Variants in PLG observed in about 807,000 individuals in gnomAD.
PLG encodes plasmin.
PLG carries 41 observed loss-of-function variants against 104.4 expected under a neutral mutation model. The observed-to-expected ratio is 0.39, with a 90% confidence interval of 0.31 to 0.51. The LOEUF is 0.51. PLG is among the 20% of genes least tolerant of loss of function. The probability of loss-of-function intolerance (pLI) is 0.76; values close to 1 mark genes in which losing one functional copy is unlikely to be tolerated. For missense variants in PLG, 891 were observed against 1,003.6 expected (o/e 0.89, Z 1.52); for synonymous variants, 337 against 357.1 (o/e 0.94, Z 0.63).
chr6:160,703,126 A>G (rs1777451264), intron 1 of PLG, among the ~76,000 whole-genome samples: 1 of 152,168 alleles, frequency 6.6e-6, no homozygotes, highest in Non-Finnish European at 1.5e-5. Context: ...TTGCTCAGTG[A>G]CCAAATTCTC....
rs770399600 is a variant in PLG, at chr6:160,731,014, C to T, written c.1257-37C>T. ...GTGCTGGGTGCCCCTGAATATTCTC[C>T]CACCTCTTGTGACCTGTATTGTTTT... On this transcript the variant is annotated intron_variant, in intron 10 of 18. Coordinates refer to ENST00000308192, the MANE Select transcript of PLG (RefSeq NM_000301.5). This position sits in a 1 kb window ranked among gnomAD's most constrained non-coding sequence, Gnocchi z 5.1. 2.5e-6 allele frequency: 4 copies of T among 1,604,122 alleles called. No individual in the cohort carries two copies. The highest frequency in any genetic ancestry group is 3.3e-5 in the Admixed American group (2 of 59,984).
Position 160,732,986 on chromosome 6 carries a change from G to A in PLG, c.1588-1009G>A, listed in dbSNP as rs375266835. On this transcript the variant is annotated intron_variant, in intron 12 of 18. Coordinates refer to ENST00000308192, the MANE Select transcript of PLG (RefSeq NM_000301.5). This position sits in a 1 kb window ranked among gnomAD's most constrained non-coding sequence, Gnocchi z 4.5. ...CCCTCCCTGGAAGTTGGACGTGGGG[G>A]GCTGAACAGTTCCAACCCTGCAATC... is the stretch of plus-strand genomic sequence containing the variant. Among the ~76,000 whole-genome samples, 1 of 152,124 alleles carries A rather than the reference G, an allele frequency of 6.6e-6. No individual in the cohort carries two copies. Among genetic ancestry groups the A allele is most frequent in the African/African-American group, 2.4e-5 (1 of 41,422 alleles).
chr6:160,716,095 C>T (rs1053438228), intron 6 of PLG, among the ~76,000 whole-genome samples: 14 of 152,224 alleles, frequency 9.2e-5, no homozygotes, highest in African/African-American at 3.4e-4. Flanking sequence ...ACCAGAAGGA[C>T]CATTCCTTTA....
intron 2 of PLG, among the ~76,000 whole-genome samples, 153 bp from the exon 3 acceptor site, chr6:160,707,547 T>A (rs1293209091): frequency 3.3e-5 from 5 of 152,236 alleles, no homozygotes; most frequent in Non-Finnish European, 7.3e-5. Flanking sequence ...ACTTCATCGA[T>A]GCCATGCCCA....
At chr6:160,705,966 AAT>A in intron 1 of PLG, 1 of 200,552 alleles carries the variant, frequency 5.0e-6, no homozygotes, top group Non-Finnish European at 1.0e-5. Context: ...CAATCCAGTT[AAT>A]CTTTTACTAT....
intron 9 of PLG, among the ~76,000 whole-genome samples, chr6:160,721,039 A>T (rs995257784): frequency 2.6e-5 from 4 of 151,930 alleles, no homozygotes; most frequent in Non-Finnish European, 5.9e-5. Context: ...TGATATTATG[A>T]CTTTTTTTCT....
chr6:160,722,650 A>C (rs1777855549), intron 10 of PLG, 83 bp downstream of exon 10: 1 of 1,298,602 alleles, frequency 7.7e-7, no homozygotes, highest in African/African-American at 1.5e-5. Flanking sequence ...GCTTCAAGCC[A>C]ACTTCCTAGG....
chr6:160,752,828 A>G lies in PLG; in HGVS notation c.2272-72A>G. 1 of 1,506,480 alleles carries G rather than the reference A, an allele frequency of 6.6e-7. No homozygotes were observed. Among genetic ancestry groups the G allele is most frequent in the Non-Finnish European group, 9.2e-7 (1 of 1,082,318 alleles). 93.3% of individuals were successfully genotyped at this position (1,506,480 alleles called of 1,614,324 possible). ...CTGGGAAAATGTATATATGGATAGT[A>G]GAAGGATGGCATCCCATAATAAAAG... On this transcript the variant is annotated intron_variant, in intron 18 of 18. Coordinates refer to ENST00000308192, the MANE Select transcript of PLG (RefSeq NM_000301.5). The surrounding 1 kb of genome is among the most constrained non-coding windows in gnomAD (Gnocchi z 4.7).
At chr6:160,706,568 G>A (rs201728206) in intron 2 of PLG, 26 bp downstream of exon 2, 89 of 1,605,964 alleles carry the variant, frequency 5.5e-5, no homozygotes, top group Middle Eastern at 1.7e-4. Context: ...TTGCACCTAC[G>A]CAGGAATCTG....
At chr6:160,711,678 T>C in intron 4 of PLG, 1 of 1,610,856 alleles carries the variant, frequency 6.2e-7, no homozygotes, top group Admixed American at 1.7e-5. Context: ...GGAGGTTTCT[T>C]GAAGACCTAG....
Position 160,741,741 on chromosome 6 carries a change from A to G in PLG, c.2125+324A>G, listed in dbSNP as rs747511242. Reference sequence around the variant, plus strand: ...ATATGTAAACAGTGGTTTGTCATGCAGATTATTTTGTCACCTAGGTACTAA... The same window carrying G: ...ATATGTAAACAGTGGTTTGTCATGCGGATTATTTTGTCACCTAGGTACTAA... On this transcript the variant is annotated intron_variant, in intron 17 of 18. Coordinates refer to ENST00000308192, the MANE Select transcript of PLG (RefSeq NM_000301.5). The surrounding 1 kb of genome is among the most constrained non-coding windows in gnomAD (Gnocchi z 4.7). Among the ~76,000 whole-genome samples the G allele has an allele frequency of 6.6e-6, 1 of 152,142 alleles. No individual in the cohort carries two copies. Among genetic ancestry groups the G allele is most frequent in the African/African-American group, 2.4e-5 (1 of 41,418 alleles).
rs769914417 is a variant in PLG at position 160,732,936 on chromosome 6, G to C, written c.1587+1043G>C. On this transcript the variant is annotated intron_variant, in intron 12 of 18. Coordinates refer to ENST00000308192, the MANE Select transcript of PLG (RefSeq NM_000301.5). This position sits in a 1 kb window ranked among gnomAD's most constrained non-coding sequence, Gnocchi z 4.5. ...GTTGAATACATCGTTGGCCATTGGAGACCAGCTCACCTTCAGCTCCTGTTC... is the reference window on the plus strand; with the variant it reads ...GTTGAATACATCGTTGGCCATTGGACACCAGCTCACCTTCAGCTCCTGTTC... 2.0e-5 allele frequency among the ~76,000 whole-genome samples: 3 copies of C among 152,072 alleles called. No homozygotes were observed. Among genetic ancestry groups the C allele is most frequent in the Non-Finnish European group, 2.9e-5 (2 of 68,004 alleles).
chr6:160,702,574 T>A (rs749140120), intron 1 of PLG, among the ~76,000 whole-genome samples: 14 of 152,168 alleles, frequency 9.2e-5, no homozygotes, highest in Non-Finnish European at 1.8e-4. Context: ...AAATAATGGG[T>A]GATTTTTCAA....
At chr6:160,748,267 T>G (rs952906771) in intron 17 of PLG, among the ~76,000 whole-genome samples, 1 of 147,596 alleles carries the variant, frequency 6.8e-6, no homozygotes, top group South Asian at 2.2e-4. Context: ...ATTGTGCCAC[T>G]GCACTCCAGC....
chr6:160,717,102 T>A (rs1053761519), intron 7 of PLG, among the ~76,000 whole-genome samples: 18 of 152,280 alleles, frequency 1.2e-4, no homozygotes, highest in African/African-American at 4.3e-4. Flanking sequence ...TGGATTTCAT[T>A]TTCAACCAGA....
At position 160,752,894 on chromosome 6, in the gene PLG, G is replaced by A. The variant is rs1302998668; in HGVS notation, c.2272-6G>A. ...CTCACATGCATTTTTCTCTCCCTCT[G>A]TATAGGGTGACAGTGGAGGTCCTCT... is the stretch of plus-strand genomic sequence containing the variant. On this transcript the variant is annotated splice_region_variant and splice_polypyrimidine_tract_variant and intron_variant, in intron 18 of 18. Transcript: ENST00000308192. The surrounding 1 kb of genome is among the most constrained non-coding windows in gnomAD (Gnocchi z 4.7). 10 of 1,613,592 alleles carry A rather than the reference G, an allele frequency of 6.2e-6. No homozygotes were observed. The highest frequency in any genetic ancestry group is 2.2e-5 in the East Asian group (1 of 44,882).
At chr6:160,711,407 G>A (rs963993493) in intron 4 of PLG, 6 of 722,486 alleles carry the variant, frequency 8.3e-6, no homozygotes, top group Non-Finnish European at 1.4e-5. Context: ...ATACTGTATT[G>A]TTTTTATTTG....
chr6:160,717,628 A>T (rs1777760634), intron 7 of PLG, among the ~76,000 whole-genome samples: 1 of 151,996 alleles, frequency 6.6e-6, no homozygotes, highest in African/African-American at 2.4e-5. Flanking sequence ...ATGTCTACTC[A>T]GTGAATAATT....
chr6:160,733,627 G>A (rs1778037448), intron 12 of PLG, among the ~76,000 whole-genome samples: 1 of 152,028 alleles, frequency 6.6e-6, no homozygotes, highest in African/African-American at 2.4e-5. Flanking sequence ...ATCACCTGAG[G>A]TCAGGAGTTC....
Sources: allele counts gnomAD v4.1 joint callset (sites outside exome capture counted in the v4.1 genomes callset), GRCh38; gene constraint gnomAD v4.1.1; non-coding constraint Gnocchi (gnomAD v3.1); transcripts MANE v1.5; gene names NCBI Gene and HGNC (gene_info 2026-07-23, HGNC 2026-07-21).